RNF212B: variants seen among roughly 807,000 people sequenced by gnomAD.
RNF212B encodes the protein E3 ubiquitin-protein ligase RNF212B.
RNF212B carries 52 observed loss-of-function variants against 55.5 expected under a neutral mutation model. The ratio of observed to expected loss-of-function variants is 0.94; its 90% CI spans 0.75 to 1.18. RNF212B has a LOEUF of 1.18. Among genes scored for constraint, RNF212B ranks in the 50% most tolerant of loss-of-function variants. RNF212B has a pLI of 0.00. For missense variants in RNF212B, 289 were observed against 350.4 expected, an observed-to-expected ratio of 0.82 and a Z score of 1.40; for synonymous variants, 99 against 121.4, an observed-to-expected ratio of 0.82 and a Z score of 1.21.
intron 2 of RNF212B, among the ~76,000 whole-genome samples, chr14:23,217,497 C>G (rs991389012): frequency 6.6e-6 from 1 of 152,206 alleles, no homozygotes; most frequent in African/African-American, 2.4e-5. Flanking sequence ...TGACCCAGCA[C>G]AGTCCCAGTG....
At chr14:23,198,370 C>A (rs575748497) in intron 2 of RNF212B, among the ~76,000 whole-genome samples, 56 of 152,108 alleles carry the variant, frequency 3.7e-4, no homozygotes, top group Non-Finnish European at 7.4e-4. Flanking sequence ...CAAATTTCTT[C>A]AAATATCAAA....
In RNF212B at chr14:23,264,242, A is replaced by G; in HGVS notation, c.585+8A>G. 1 of 1,543,020 alleles carries G rather than the reference A, an allele frequency of 6.5e-7. No homozygotes were observed. The highest frequency in any genetic ancestry group is 8.8e-7 in the Non-Finnish European group (1 of 1,140,256). ...TTTGGTAGCTTGGGACAAGTAAGTA[A>G]TGTTCACCTTATCTTTCCAGATTGA... On this transcript the variant is annotated splice_region_variant and intron_variant, in intron 10 of 14. Transcript: ENST00000430154.
chr14:23,252,694 G>T (rs945967278), intron 4 of RNF212B, among the ~76,000 whole-genome samples: 1 of 152,154 alleles, frequency 6.6e-6, no homozygotes, highest in South Asian at 2.1e-4. Flanking sequence ...CATGAGAAGC[G>T]GGGATGAAGA....
chr14:23,250,939 A>C (rs558452587), intron 4 of RNF212B, among the ~76,000 whole-genome samples: 2 of 152,324 alleles, frequency 1.3e-5, no homozygotes, highest in East Asian at 3.9e-4. Context: ...TCAGATATGC[A>C]TGTATCTCAG....
At chr14:23,235,444 GA>G (rs1475333980), upstream of RNF212B, among the ~76,000 whole-genome samples, 1 of 152,138 alleles carries the variant, frequency 6.6e-6, no homozygotes, top group African/African-American at 2.4e-5. Flanking sequence ...GTTTTTACTT[GA>G]AAGAACATCT....
intron 2 of RNF212B, among the ~76,000 whole-genome samples, chr14:23,229,220 T>TTTTATATATATATATATATATA (rs1183907201): frequency 1.5e-5 from 1 of 65,032 alleles, no homozygotes; most frequent in Non-Finnish European, 3.0e-5. Flanking sequence ...GAATAATATT[T>TTTTATATATATATATATATATA]TATATATATA....
upstream of RNF212B, among the ~76,000 whole-genome samples, chr14:23,233,418 AG>A (rs890950562): frequency 6.6e-6 from 1 of 150,998 alleles, no homozygotes; most frequent in Non-Finnish European, 1.5e-5. Flanking sequence ...AAAAAAAAAA[AG>A]AATATTTAAA....
intron 1 of RNF212B, chr14:23,188,028 A>G (rs1206749762): frequency 6.6e-6 from 1 of 152,240 alleles, no homozygotes; most frequent in Non-Finnish European, 1.5e-5. Context: ...TTTTTAGTGT[A>G]TGCTCTGTTT....
intron 2 of RNF212B, among the ~76,000 whole-genome samples, chr14:23,207,178 T>TA (rs2140380135): frequency 6.6e-6 from 1 of 152,318 alleles, no homozygotes; most frequent in East Asian, 1.9e-4. Context: ...TCACACAACA[T>TA]ACGATTTCTG....
chr14:23,213,127 A>T (rs532951441), intron 2 of RNF212B, among the ~76,000 whole-genome samples: 2 of 152,152 alleles, frequency 1.3e-5, no homozygotes, highest in East Asian at 3.9e-4. Flanking sequence ...CCTGGCTAAC[A>T]CAGTGAAACC....
intron 2 of RNF212B, among the ~76,000 whole-genome samples, chr14:23,230,697 C>G (rs1256791834): frequency 8.0e-6 from 1 of 125,240 alleles, no homozygotes; most frequent in Non-Finnish European, 1.7e-5. Flanking sequence ...TTGCCAAATA[C>G]AAGGTCATGA....
intron 11 of RNF212B, among the ~76,000 whole-genome samples, chr14:23,267,478 G>A (rs1885788689): frequency 6.6e-6 from 1 of 151,410 alleles, no homozygotes; most frequent in Non-Finnish European, 1.5e-5. Flanking sequence ...GTCTTGGCTA[G>A]AGTGCAGTGG....
At chr14:23,242,007 C>T (rs1389128974) in intron 2 of RNF212B, among the ~76,000 whole-genome samples, 1 of 142,378 alleles carries the variant, frequency 7.0e-6, no homozygotes, top group Non-Finnish European at 1.5e-5. Context: ...GTGTGAACCC[C>T]GGAGGCAGAG....
intron 2 of RNF212B, among the ~76,000 whole-genome samples, chr14:23,213,842 A>G (rs1341182958): frequency 6.6e-6 from 1 of 152,222 alleles, no homozygotes; most frequent in Non-Finnish European, 1.5e-5. Flanking sequence ...ATCAAAAAGC[A>G]CTCATCATAC....
chr14:23,192,688 T>TA (rs538376966), intron 1 of RNF212B, among the ~76,000 whole-genome samples: 143 of 151,928 alleles, frequency 9.4e-4, no homozygotes, highest in African/African-American at 3.3e-3. Flanking sequence ...AGTATAATAA[T>TA]AAAAAAAAGA....
At chr14:23,224,235 C>CAA (rs201138786) in intron 2 of RNF212B, among the ~76,000 whole-genome samples, 29 of 140,056 alleles carry the variant, frequency 2.1e-4, no homozygotes, top group South Asian at 1.1e-3. Flanking sequence ...TATAGAATGT[C>CAA]AAAAAAAAAA....
intron 14 of RNF212B, among the ~76,000 whole-genome samples, chr14:23,272,136 G>T (rs1886137338): frequency 6.6e-6 from 1 of 152,084 alleles, no homozygotes; most frequent in African/African-American, 2.4e-5. Context: ...TGAAAATGTG[G>T]GCCAGGCGTG....
At chr14:23,219,267 A>G (rs1356446470) in intron 2 of RNF212B, among the ~76,000 whole-genome samples, 1 of 152,222 alleles carries the variant, frequency 6.6e-6, no homozygotes, top group Non-Finnish European at 1.5e-5. Flanking sequence ...CTCACTGGTA[A>G]GTACCCAGAA....
intron 2 of RNF212B, among the ~76,000 whole-genome samples, chr14:23,229,416 G>T (rs895584512): frequency 2.0e-5 from 3 of 151,490 alleles, no homozygotes; most frequent in Non-Finnish European, 4.4e-5. Flanking sequence ...TGGAATTGCT[G>T]GGTCACATGG....
Sources: allele counts gnomAD v4.1 joint callset (sites outside exome capture counted in the v4.1 genomes callset), GRCh38; gene constraint gnomAD v4.1.1; transcripts MANE v1.5; gene names NCBI Gene and HGNC (gene_info 2026-07-23, HGNC 2026-07-21).